DNAJB4: variants seen among roughly 807,000 people sequenced by gnomAD.
DNAJB4 encodes DnaJ heat shock protein family (Hsp40) member B4.
DNAJB4 carries 10 observed loss-of-function variants against 26.6 expected under a neutral mutation model. That is an observed-to-expected ratio of 0.38 (90% CI 0.23 to 0.64). The LOEUF (loss-of-function observed/expected upper bound fraction) is 0.64, where lower values mean the gene tolerates loss of function less well. Ranked by LOEUF, DNAJB4 falls within the 30% of genes least tolerant of loss-of-function variation. The pLI, the probability that DNAJB4 is intolerant of heterozygous loss-of-function variation, is 0.58. For missense variants in DNAJB4, 328 were observed against 408.2 expected (o/e 0.80, Z 1.69); for synonymous variants, 136 against 134.8 (o/e 1.01, Z -0.06).
chr1:78,013,575 G>C lies in DNAJB4; in HGVS notation c.736G>C (p.Asp246His), dbSNP rs1253826184. ...CAAAGATCATCCAAAATTTAAAAGG[G>C]ATGGATCAAATATAATTTATACTGC... The part of the protein sequence containing the change: ...KDKDHPKFKR[D>H]GSNIIYTAKI... Residue 246 changes from aspartate to histidine, a missense_variant, in exon 2 of 3, where the codon GAT becomes CAT. Transcript: ENST00000370763. The C allele has an allele frequency of 1.2e-6, 2 of 1,607,350 alleles. No homozygotes were observed. Among genetic ancestry groups the C allele is most frequent in the Non-Finnish European group, 8.5e-7 (1 of 1,178,894 alleles).
At chr1:77,995,999 A>G (rs1404933630) in intron 1 of DNAJB4, among the ~76,000 whole-genome samples, 1 of 152,204 alleles carries the variant, frequency 6.6e-6, no homozygotes, top group African/African-American at 2.4e-5. Context: ...AAAATGCCAG[A>G]AAAGTATATT....
chr1:77,983,480 A>G (rs753539233), intron 1 of DNAJB4, among the ~76,000 whole-genome samples: 79 of 152,280 alleles, frequency 5.2e-4, no homozygotes, highest in Non-Finnish European at 8.5e-4. Flanking sequence ...ATTTCAGACT[A>G]TCACATGGGG....
chr1:78,007,452 A>G (rs1360029458), intron 1 of DNAJB4, among the ~76,000 whole-genome samples: 1 of 152,052 alleles, frequency 6.6e-6, no homozygotes, highest in East Asian at 1.9e-4. Context: ...GTGGTGGCAG[A>G]CACCTCTAAT....
chr1:77,985,887 G>C (rs990659776), intron 1 of DNAJB4, among the ~76,000 whole-genome samples: 1 of 152,032 alleles, frequency 6.6e-6, no homozygotes, highest in Non-Finnish European at 1.5e-5. Flanking sequence ...GTCTTGTCTT[G>C]AGCATGCTAG....
At chr1:78,012,703 GGAGGCT>G (rs946090329) in intron 1 of DNAJB4, among the ~76,000 whole-genome samples, 14 of 152,084 alleles carry the variant, frequency 9.2e-5, no homozygotes, top group African/African-American at 3.4e-4. Context: ...CAGCTACTCG[GGAGGCT>G]GAGGCAGGAG....
At chr1:78,013,832 G>A (rs1660562331) in intron 2 of DNAJB4, among the ~76,000 whole-genome samples, 1 of 152,088 alleles carries the variant, frequency 6.6e-6, no homozygotes, top group Non-Finnish European at 1.5e-5. Context: ...AGTGTCAAGT[G>A]TTAACTGGAT....
intron 1 of DNAJB4, among the ~76,000 whole-genome samples, chr1:77,999,338 T>A (rs191127451): frequency 6.6e-6 from 1 of 152,272 alleles, no homozygotes; most frequent in Admixed American, 6.5e-5. Context: ...TCTTATCACT[T>A]GAGTATCAGA....
At chr1:78,000,193 G>T (rs1425743084), upstream of DNAJB4, among the ~76,000 whole-genome samples, 1 of 152,044 alleles carries the variant, frequency 6.6e-6, no homozygotes, top group African/African-American at 2.4e-5. Flanking sequence ...TATGCATATG[G>T]TATAGTAATT....
intron 1 of DNAJB4, among the ~76,000 whole-genome samples, chr1:77,998,066 C>G (rs1571433701): frequency 6.6e-6 from 1 of 152,324 alleles, no homozygotes; most frequent in Admixed American, 6.5e-5. Flanking sequence ...TGAGCCACCG[C>G]ACCGGCCTCT....
intron 1 of DNAJB4, among the ~76,000 whole-genome samples, chr1:77,998,270 G>A (rs1225931796): frequency 6.6e-6 from 1 of 152,072 alleles, no homozygotes; most frequent in Non-Finnish European, 1.5e-5. Flanking sequence ...TTTATTTGTG[G>A]AAAATGTGCA....
intron 1 of DNAJB4, among the ~76,000 whole-genome samples, chr1:77,988,911 T>G (rs1227975784): frequency 6.6e-6 from 1 of 152,190 alleles, no homozygotes; most frequent in East Asian, 1.9e-4. Flanking sequence ...AATAAAAATT[T>G]GTGAGTAAAT....
At position 78,010,839 on chromosome 1, in the gene DNAJB4, G is replaced by A. The variant is rs954620355; in HGVS notation, c.212-2212G>A. Among the ~76,000 whole-genome samples, 6 of 152,188 alleles carry A rather than the reference G, an allele frequency of 3.9e-5. No homozygotes were observed. The South Asian group carries it at 6.2e-4, about 16-fold the overall frequency. Reference sequence around the variant, plus strand: ...TTGCTTCTGCCTTTTTCTCTGTACCGATACTCAAGACACCTTTTTTAGTTT... The same window carrying A: ...TTGCTTCTGCCTTTTTCTCTGTACCAATACTCAAGACACCTTTTTTAGTTT... On this transcript the variant is annotated intron_variant, in intron 1 of 2. Transcript: ENST00000370763.
chr1:77,979,830 A>G (rs1324173724), upstream of DNAJB4, among the ~76,000 whole-genome samples: 1 of 152,104 alleles, frequency 6.6e-6, no homozygotes, highest in Admixed American at 6.5e-5. Flanking sequence ...TGTTAGCCAG[A>G]TTTAATAACC....
chr1:78,012,065 TA>T (rs904744195), intron 1 of DNAJB4, among the ~76,000 whole-genome samples: 2 of 149,306 alleles, frequency 1.3e-5, no homozygotes, highest in Non-Finnish European at 3.0e-5. Flanking sequence ...CTTATATATT[TA>T]TAAGTAGATA....
At chr1:78,008,828 A>AC (rs540564510) in intron 1 of DNAJB4, among the ~76,000 whole-genome samples, 34 of 152,306 alleles carry the variant, frequency 2.2e-4, no homozygotes, top group Admixed American at 2.0e-3. Context: ...TGGATTCTGA[A>AC]CCACTCTCTA....
At chr1:78,004,608 A>C (rs1371053228), upstream of DNAJB4, 1 of 153,318 alleles carries the variant, frequency 6.5e-6, no homozygotes, top group South Asian at 2.0e-4. Flanking sequence ...TTCTTTTAAC[A>C]TAGGGTGTTT....
intron 1 of DNAJB4, among the ~76,000 whole-genome samples, chr1:78,010,280 T>C (rs1660434802): frequency 6.6e-6 from 1 of 152,178 alleles, no homozygotes; most frequent in African/African-American, 2.4e-5. Flanking sequence ...TAAATAATTA[T>C]ACTCCCTTAA....
At chr1:77,988,032 T>TTCC (rs1491157817) in intron 1 of DNAJB4, among the ~76,000 whole-genome samples, 1 of 124,310 alleles carries the variant, frequency 8.0e-6, no homozygotes, top group African/African-American at 3.0e-5. Context: ...TGTGTGTATT[T>TTCC]CCCCCCCCCC....
upstream of DNAJB4, chr1:78,004,516 A>C (rs1466667716): frequency 6.6e-6 from 1 of 151,944 alleles, no homozygotes; most frequent in African/African-American, 2.4e-5. Context: ...TTGGTATTAT[A>C]TACTTAACAG....
Sources: allele counts gnomAD v4.1 joint callset (sites outside exome capture counted in the v4.1 genomes callset), GRCh38; gene constraint gnomAD v4.1.1; transcripts MANE v1.5; gene names NCBI Gene and HGNC (gene_info 2026-07-23, HGNC 2026-07-21).